The following ZMAT4 variants were observed in gnomAD, a reference collection of about 807,000 sequenced individuals.
ZMAT4 encodes the protein zinc finger matrin-type protein 4.
ZMAT4 carries 17 observed loss-of-function variants against 28.7 expected under a neutral mutation model. The observed-to-expected ratio is 0.59, with a 90% CI of 0.41 to 0.89. The LOEUF is 0.89. Among genes scored for constraint, ZMAT4 ranks in the 40% least tolerant of loss-of-function variants. The probability of loss-of-function intolerance (pLI) is 0.00; values close to 1 mark genes in which losing one functional copy is unlikely to be tolerated. For synonymous variants in ZMAT4, 117 were observed against 109.2 expected (o/e 1.07, Z -0.44); for missense variants, 240 against 283.8 (o/e 0.85, Z 1.11).
rs1025802617 is a variant in ZMAT4, at chr8:40,531,884, A to G, written c.*339T>C. ...GAATAATTATGCTCTGAGGAAATCT[A>G]GAATAAATTGGAAATTTAAATTTTT... On this transcript the variant is annotated 3_prime_UTR_variant, in exon 7 of 7. Coordinates refer to ENST00000297737, the MANE Select transcript of ZMAT4 (RefSeq NM_024645.3). 5 of 202,372 alleles carry G rather than the reference A, an allele frequency of 2.5e-5. No homozygotes were observed. Among genetic ancestry groups the G allele is most frequent in the Non-Finnish European group, 3.9e-5 (4 of 101,498 alleles). 12.5% of individuals were successfully genotyped at this position (202,372 alleles called of 1,614,324 possible).
intron 4 of ZMAT4, among the ~76,000 whole-genome samples, chr8:40,677,765 T>TA (rs1454028201): frequency 1.3e-5 from 2 of 152,362 alleles, no homozygotes; most frequent in East Asian, 1.9e-4. Flanking sequence ...TCTTTTGGTT[T>TA]AAAAACATGC....
At chr8:40,549,266 A>G (rs1226817091) in intron 6 of ZMAT4, among the ~76,000 whole-genome samples, 2 of 152,068 alleles carry the variant, frequency 1.3e-5, no homozygotes, top group African/African-American at 4.8e-5. Flanking sequence ...ACCCAGTCTG[A>G]GGTATTTTGT....
chr8:40,815,912 G>A (rs1015532725), intron 2 of ZMAT4, among the ~76,000 whole-genome samples: 4 of 152,100 alleles, frequency 2.6e-5, no homozygotes, highest in African/African-American at 4.8e-5. Flanking sequence ...CCAAACACTC[G>A]GTTTCAACAG....
chr8:40,699,993 T>G (rs1810062486), intron 3 of ZMAT4, among the ~76,000 whole-genome samples: 1 of 152,220 alleles, frequency 6.6e-6, no homozygotes, highest in African/African-American at 2.4e-5. Context: ...ACAAAATGAC[T>G]GAGAACTAGT....
intron 1 of ZMAT4, among the ~76,000 whole-genome samples, chr8:40,892,458 C>G (rs1172673710): frequency 6.6e-6 from 1 of 152,176 alleles, no homozygotes; most frequent in African/African-American, 2.4e-5. Context: ...AACAGGGAAG[C>G]TGGAGTGGAG....
intron 3 of ZMAT4, among the ~76,000 whole-genome samples, chr8:40,753,052 AC>A (rs1434931450): frequency 1.4e-5 from 1 of 69,988 alleles, no homozygotes. Context: ...CTTGCCCCCC[AC>A]CCCCCAACAG....
At chr8:40,663,942 T>A (rs1808300990) in intron 5 of ZMAT4, among the ~76,000 whole-genome samples, 1 of 152,212 alleles carries the variant, frequency 6.6e-6, no homozygotes, top group Admixed American at 6.5e-5. Context: ...GTACATATTA[T>A]TTGACACTAG....
At chr8:40,741,121 T>C (rs1008591482) in intron 3 of ZMAT4, among the ~76,000 whole-genome samples, 16 of 151,160 alleles carry the variant, frequency 1.1e-4, no homozygotes, top group African/African-American at 3.9e-4. Context: ...GAAATAACAA[T>C]GGAAAATTTG....
At chr8:40,563,989 A>C (rs935250390) in intron 6 of ZMAT4, among the ~76,000 whole-genome samples, 1 of 152,088 alleles carries the variant, frequency 6.6e-6, no homozygotes, top group Non-Finnish European at 1.5e-5. Context: ...ATGTCCTTTC[A>C]CTTTCTCATC....
intron 2 of ZMAT4, among the ~76,000 whole-genome samples, chr8:40,811,428 C>T (rs866302181): frequency 1.1e-4 from 17 of 152,312 alleles, no homozygotes; most frequent in South Asian, 1.0e-3. Flanking sequence ...TGTGCCATAA[C>T]ATCAAGGTTG....
At position 40,885,718 on chromosome 8, in the gene ZMAT4, C is replaced by T. The variant is rs139783563; in HGVS notation, c.-5+11965G>A. Among the ~76,000 whole-genome samples, 214 of 152,334 alleles carry T rather than the reference C, an allele frequency of 1.4e-3. 1 individual carries two copies. Among genetic ancestry groups the T allele is most frequent in the Non-Finnish European group, 2.6e-3 (175 of 68,030 alleles). On this transcript the variant is annotated intron_variant, in intron 1 of 6. Coordinates refer to ENST00000297737, the MANE Select transcript of ZMAT4 (RefSeq NM_024645.3). ...TTCAAGGAAGCACACCCTGTCCTCG[C>T]TGCTATTCCTGGCACCCCAAGTGTC...
chr8:40,890,927 A>G, intron 1 of ZMAT4, among the ~76,000 whole-genome samples: 1 of 151,706 alleles, frequency 6.6e-6, no homozygotes, highest in Non-Finnish European at 1.5e-5. Flanking sequence ...CCTCACTCCC[A>G]GCGGCTCCTC....
intron 6 of ZMAT4, among the ~76,000 whole-genome samples, chr8:40,550,923 A>G (rs754604841): frequency 1.3e-5 from 2 of 152,222 alleles, no homozygotes; most frequent in Non-Finnish European, 2.9e-5. Flanking sequence ...AGGTAAAACA[A>G]TATATAATAG....
At chr8:40,669,114 G>C (rs967535765) in intron 5 of ZMAT4, among the ~76,000 whole-genome samples, 1 of 152,030 alleles carries the variant, frequency 6.6e-6, no homozygotes, top group African/African-American at 2.4e-5. Flanking sequence ...TGGAATCTAA[G>C]GCCTAACAGA....
intron 2 of ZMAT4, among the ~76,000 whole-genome samples, chr8:40,823,956 A>G (rs542945121): frequency 1.3e-5 from 2 of 152,354 alleles, no homozygotes; most frequent in South Asian, 2.1e-4. Context: ...AACTTTGCAT[A>G]TTTGATAGAC....
chr8:40,854,264 C>A (rs1817217833), intron 1 of ZMAT4, among the ~76,000 whole-genome samples: 1 of 152,112 alleles, frequency 6.6e-6, no homozygotes, highest in Non-Finnish European at 1.5e-5. Context: ...TCTGAACCAC[C>A]ATTCTGGATG....
intron 1 of ZMAT4, among the ~76,000 whole-genome samples, chr8:40,876,355 G>T (rs1283246956): frequency 2.0e-5 from 3 of 152,104 alleles, no homozygotes; most frequent in Non-Finnish European, 2.9e-5. Flanking sequence ...GTTTCACTCT[G>T]TGGCCCAGGC....
Position 40,894,787 on chromosome 8 carries a change from C to G in ZMAT4, c.-5+2896G>C, listed in dbSNP as rs148261478. On this transcript the variant is annotated intron_variant, in intron 1 of 6. Transcript: ENST00000297737. ...TTCACACATCCACAGAAAAAAAAAA[C>G]AAGACATTGTAAAAGCGTTTACCAA... Among the ~76,000 whole-genome samples, 317 of 150,104 alleles carry G rather than the reference C, an allele frequency of 2.1e-3. 1 individual carries two copies. Among genetic ancestry groups the G allele is most frequent in the African/African-American group, 7.4e-3 (302 of 40,676 alleles).
intron 5 of ZMAT4, among the ~76,000 whole-genome samples, chr8:40,647,620 G>A (rs563158198): frequency 6.6e-6 from 1 of 152,174 alleles, no homozygotes; most frequent in African/African-American, 2.4e-5. Flanking sequence ...ACCTCTGGGG[G>A]CAGGGCACAG....
Sources: gnomAD v4.1 joint callset for allele counts (sites outside exome capture counted in the v4.1 genomes callset) on GRCh38, gnomAD v4.1.1 for gene constraint, MANE v1.5 for transcripts, NCBI Gene and HGNC (gene_info 2026-07-23, HGNC 2026-07-21) for gene names.